The following AUTS2 variants were observed in gnomAD, a reference collection of about 807,000 sequenced individuals.
The protein encoded by AUTS2 is autism susceptibility gene 2 protein.
Under a neutral mutation model 112.4 loss-of-function variants are expected in AUTS2, and 17 were observed. The observed-to-expected ratio is 0.15, with a 90% confidence interval of 0.10 to 0.23. The LOEUF is 0.23. Among genes scored for constraint, AUTS2 ranks in the 10% least tolerant of loss-of-function variants. The pLI is 1.00. For synonymous variants in AUTS2, 751 were observed against 702.7 expected (o/e 1.07, Z -1.09); for missense variants, 1,510 against 1,701.6 (o/e 0.89, Z 1.98).
chr7:70,377,331 T>TATAA (rs1793141385), intron 4 of AUTS2, among the ~76,000 whole-genome samples: 1 of 32,572 alleles, frequency 3.1e-5, no homozygotes, highest in Non-Finnish European at 6.2e-5. Context: ...TATAAATATA[T>TATAA]ATATATATAT....
intron 2 of AUTS2, among the ~76,000 whole-genome samples, chr7:70,050,311 C>T (rs932601161): frequency 7.7e-6 from 1 of 130,384 alleles, no homozygotes; most frequent in East Asian, 2.3e-4. Context: ...GAGCCGAGAT[C>T]GAGCCACTGC....
intron 5 of AUTS2, among the ~76,000 whole-genome samples, chr7:70,671,541 C>G (rs547526474): frequency 1.2e-4 from 19 of 152,298 alleles, no homozygotes; most frequent in Non-Finnish European, 2.2e-4. Flanking sequence ...GCAAATAAAA[C>G]TAGCCTCTTT....
chr7:69,911,516 A>G (rs908299015), intron 2 of AUTS2, among the ~76,000 whole-genome samples: 1 of 152,128 alleles, frequency 6.6e-6, no homozygotes, highest in Non-Finnish European at 1.5e-5. Context: ...GCCTAGGAAG[A>G]ATGAGGTACA....
At chr7:70,153,055 CA>C in intron 4 of AUTS2, among the ~76,000 whole-genome samples, 1 of 152,226 alleles carries the variant, frequency 6.6e-6, no homozygotes, top group East Asian at 1.9e-4. Context: ...ATATTCTAGC[CA>C]TTCCAATCCT....
chr7:70,734,107 A>G (rs547094021), intron 6 of AUTS2, among the ~76,000 whole-genome samples: 1 of 152,108 alleles, frequency 6.6e-6, no homozygotes, highest in East Asian at 1.9e-4. Flanking sequence ...AGCCCGCTGC[A>G]TGCGCCAGGC....
intron 4 of AUTS2, among the ~76,000 whole-genome samples, chr7:70,156,377 G>A (rs1807759257): frequency 6.6e-6 from 1 of 152,152 alleles, no homozygotes; most frequent in Non-Finnish European, 1.5e-5. Flanking sequence ...GGCAATGGCT[G>A]TATAGAAGAG....
chr7:69,953,721 T>C (rs1797113745), intron 2 of AUTS2, among the ~76,000 whole-genome samples: 1 of 152,192 alleles, frequency 6.6e-6, no homozygotes. Flanking sequence ...TAGAAATTTC[T>C]TCATAGAAAT....
intron 2 of AUTS2, among the ~76,000 whole-genome samples, chr7:69,924,605 G>A (rs1795935028): frequency 6.7e-6 from 1 of 149,358 alleles, no homozygotes; most frequent in African/African-American, 2.5e-5. Context: ...AGGCTGAAGT[G>A]CAATGGCGCA....
rs535622327 is a variant in AUTS2, at chr7:70,355,537, T to C, written c.661-80215T>C. 3.3e-5 allele frequency among the ~76,000 whole-genome samples: 5 copies of C among 152,228 alleles called. No homozygotes were observed. In the South Asian group the frequency reaches 1.0e-3, roughly 32 times the overall value. ...CCTTTCCAATCCTTGTCCACCACTT[T>C]CCTGGTCCACCTCCCTCTCTCTCCT... On this transcript the variant is annotated intron_variant, in intron 4 of 18. Coordinates refer to ENST00000342771, the MANE Select transcript of AUTS2 (RefSeq NM_015570.4).
chr7:70,253,724 A>T (rs1187087155), intron 4 of AUTS2, among the ~76,000 whole-genome samples: 1 of 152,170 alleles, frequency 6.6e-6, no homozygotes, highest in East Asian at 1.9e-4. Flanking sequence ...TATGAGAGTC[A>T]GCTTGTCATT....
chr7:70,391,094 C>T (rs1289174934), intron 4 of AUTS2, among the ~76,000 whole-genome samples: 2 of 152,210 alleles, frequency 1.3e-5, no homozygotes, highest in East Asian at 3.8e-4. Flanking sequence ...TACAGGCCAC[C>T]ATCCAGTCCT....
At chr7:69,835,144 A>G (rs1428845702) in intron 1 of AUTS2, among the ~76,000 whole-genome samples, 3 of 151,874 alleles carry the variant, frequency 2.0e-5, no homozygotes, top group Non-Finnish European at 2.9e-5. Context: ...AATCTCACCA[A>G]TTTCTAGAAT....
At chr7:70,240,411 T>C (rs1288186664) in intron 4 of AUTS2, among the ~76,000 whole-genome samples, 1 of 152,234 alleles carries the variant, frequency 6.6e-6, no homozygotes, top group Non-Finnish European at 1.5e-5. Context: ...GTAAAGTGCC[T>C]GGCATATGGA....
chr7:69,903,706 C>A (rs1039953334), intron 2 of AUTS2, among the ~76,000 whole-genome samples: 1 of 152,148 alleles, frequency 6.6e-6, no homozygotes, highest in African/African-American at 2.4e-5. Flanking sequence ...GCAGAATTTC[C>A]TAAAGAAAGA....
intron 6 of AUTS2, among the ~76,000 whole-genome samples, chr7:70,746,202 G>A (rs1163700145): frequency 1.3e-5 from 2 of 152,068 alleles, no homozygotes; most frequent in Non-Finnish European, 1.5e-5. Flanking sequence ...GCTGGAGTGC[G>A]GTGGCACAAT....
intron 4 of AUTS2, among the ~76,000 whole-genome samples, chr7:70,376,728 T>A (rs1490454738): frequency 6.7e-6 from 1 of 149,102 alleles, no homozygotes; most frequent in Non-Finnish European, 1.5e-5. Flanking sequence ...TTATCCTTTA[T>A]CTCGAATGCA....
At chr7:70,147,767 G>A (rs977345703) in intron 4 of AUTS2, among the ~76,000 whole-genome samples, 1 of 152,008 alleles carries the variant, frequency 6.6e-6, no homozygotes, top group South Asian at 2.1e-4. Context: ...ATTATTTGCT[G>A]TCCTAAGGGT....
chr7:70,271,407 C>G (rs1787686632), intron 4 of AUTS2, among the ~76,000 whole-genome samples: 2 of 152,032 alleles, frequency 1.3e-5, no homozygotes, highest in South Asian at 2.1e-4. Flanking sequence ...TGCTACCTTT[C>G]TACCTCTCTC....
intron 4 of AUTS2, among the ~76,000 whole-genome samples, chr7:70,307,683 G>C (rs920459403): frequency 1.4e-4 from 22 of 152,136 alleles, no homozygotes; most frequent in Non-Finnish European, 4.4e-5. Flanking sequence ...TCACACGAAA[G>C]GAGAGCCTAG....
Sources: allele counts gnomAD v4.1 joint callset (sites outside exome capture counted in the v4.1 genomes callset), GRCh38; gene constraint gnomAD v4.1.1; transcripts MANE v1.5; gene names NCBI Gene and HGNC (gene_info 2026-07-23, HGNC 2026-07-21).